APLF: variants seen among roughly 807,000 people sequenced by gnomAD.
APLF encodes aprataxin and PNK-like factor.
Under a neutral mutation model 55.6 loss-of-function variants are expected in APLF, and 61 were observed. The ratio of observed to expected loss-of-function variants is 1.10; its 90% CI spans 0.89 to 1.36. The LOEUF is 1.36. APLF is among the 40% of genes most tolerant of loss of function. The probability of loss-of-function intolerance (pLI) is 0.00; values close to 1 mark genes in which losing one functional copy is unlikely to be tolerated. For missense variants in APLF, 611 were observed against 602.5 expected, an observed-to-expected ratio of 1.01 and a Z score of -0.15; for synonymous variants, 207 against 214.8, an observed-to-expected ratio of 0.96 and a Z score of 0.32.
chr2:68,554,598 T>C (rs1483645026), intron 8 of APLF, among the ~76,000 whole-genome samples: 5 of 152,072 alleles, frequency 3.3e-5, no homozygotes, highest in African/African-American at 1.2e-4. Context: ...GTAGTTTTCC[T>C]TGTAGAAGAA....
chr2:68,474,333 G>T (rs1675706545), intron 1 of APLF, among the ~76,000 whole-genome samples: 1 of 152,208 alleles, frequency 6.6e-6, no homozygotes, highest in Non-Finnish European at 1.5e-5. Context: ...CCCTAGAGGA[G>T]GCTGGGGCTT....
chr2:68,545,143 T>C (rs1478043243), intron 7 of APLF, 44 bp from the exon 8 acceptor site: 1 of 1,598,018 alleles, frequency 6.3e-7, no homozygotes. Flanking sequence ...AAATCTAGAA[T>C]ATCCTATTTT....
chr2:68,560,059 T>G (rs10172125), intron 8 of APLF, among the ~76,000 whole-genome samples: 36,419 of 152,044 alleles, frequency 0.24, 7,032 homozygotes, highest in African/African-American at 0.54. Flanking sequence ...TCCTCTTCCT[T>G]AAGTGTTCTT....
intron 6 of APLF, among the ~76,000 whole-genome samples, chr2:68,536,812 G>A (rs980995948): frequency 2.6e-5 from 4 of 152,094 alleles, no homozygotes; most frequent in African/African-American, 9.7e-5. Context: ...TTGTCATTCA[G>A]CTATGGTAAA....
chr2:68,513,708 C>T, intron 5 of APLF, 28 bp downstream of exon 5: 1 of 1,602,708 alleles, frequency 6.2e-7, no homozygotes, highest in East Asian at 2.2e-5. Context: ...CTAATGCTGA[C>T]TTTAAAGGAA....
intron 1 of APLF, among the ~76,000 whole-genome samples, chr2:68,486,663 G>T (rs1166160527): frequency 6.6e-6 from 1 of 151,972 alleles, no homozygotes; most frequent in Non-Finnish European, 1.5e-5. Context: ...CCATCTCCTA[G>T]TTTTACATTA....
chr2:68,497,115 A>G (rs148266309), intron 2 of APLF, among the ~76,000 whole-genome samples: 1,629 of 152,294 alleles, frequency 0.011, 15 homozygotes, highest in Non-Finnish European at 0.015. Flanking sequence ...TAATTGGCTC[A>G]CAGTTTTGCA....
chr2:68,520,005 C>G (rs948018017), intron 5 of APLF, among the ~76,000 whole-genome samples: 1 of 151,780 alleles, frequency 6.6e-6, no homozygotes, highest in African/African-American at 2.4e-5. Flanking sequence ...TAAATTATGG[C>G]CATTCTTGCA....
intron 1 of APLF, among the ~76,000 whole-genome samples, chr2:68,480,485 G>A (rs1158033714): frequency 2.0e-5 from 3 of 151,744 alleles, no homozygotes; most frequent in Admixed American, 6.6e-5. Context: ...TGTATTTTTT[G>A]TGGAGATGAG....
intron 1 of APLF, among the ~76,000 whole-genome samples, chr2:68,487,942 A>C (rs1310547313): frequency 6.6e-6 from 1 of 152,162 alleles, no homozygotes; most frequent in Non-Finnish European, 1.5e-5. Flanking sequence ...ACTGTTGTGG[A>C]GTTATGTGTC....
At position 68,475,821 on chromosome 2, in the gene APLF, G is replaced by C. The variant is rs538111585; in HGVS notation, c.96+7994G>C. ...TGGCACTGGGAAGATATCTAGATAA[G>C]ACAATTTTATGATTTGTAGATTTCT... On this transcript the variant is annotated intron_variant, in intron 1 of 9. Transcript: ENST00000303795. Among the ~76,000 whole-genome samples, 998 of 152,092 alleles carry C rather than the reference G, an allele frequency of 6.6e-3. 7 individuals carry two copies. The highest frequency in any genetic ancestry group is 0.023 in the African/African-American group (950 of 41,462).
intron 9 of APLF, among the ~76,000 whole-genome samples, chr2:68,574,045 C>T (rs1169988012): frequency 2.0e-5 from 3 of 148,296 alleles, no homozygotes; most frequent in Non-Finnish European, 3.0e-5. Flanking sequence ...TTATTTCTTT[C>T]AAGTTTACCT....
intron 6 of APLF, among the ~76,000 whole-genome samples, chr2:68,536,874 A>G (rs1670405836): frequency 6.6e-6 from 1 of 152,142 alleles, no homozygotes; most frequent in African/African-American, 2.4e-5. Flanking sequence ...AGCTTAGAAG[A>G]AATTATAAGG....
At chr2:68,521,043 A>G (rs1430847280) in intron 5 of APLF, among the ~76,000 whole-genome samples, 1 of 151,638 alleles carries the variant, frequency 6.6e-6, no homozygotes, top group Non-Finnish European at 1.5e-5. Context: ...CTCCTTGGTT[A>G]GGTATATTCC....
chr2:68,564,397 C>T (rs1435629309), intron 8 of APLF, among the ~76,000 whole-genome samples: 1 of 152,012 alleles, frequency 6.6e-6, no homozygotes, highest in African/African-American at 2.4e-5. Context: ...TGTGGAGTTA[C>T]ACTTTTGCAC....
At chr2:68,479,186 T>C (rs533170547) in intron 1 of APLF, among the ~76,000 whole-genome samples, 11 of 152,098 alleles carry the variant, frequency 7.2e-5, no homozygotes, top group Non-Finnish European at 1.3e-4. Context: ...CAGTACTCTA[T>C]GGAAAAGATT....
intron 8 of APLF, among the ~76,000 whole-genome samples, chr2:68,551,603 C>CTTTTTTTTT (rs70954311): frequency 8.6e-6 from 1 of 115,750 alleles, no homozygotes; most frequent in African/African-American, 3.3e-5. Context: ...TCTTCTTCTT[C>CTTTTTTTTT]TTTTTTTTTT....
intron 2 of APLF, 88 bp downstream of exon 2, chr2:68,490,349 GAATAGGGAATTA>G: frequency 9.8e-7 from 1 of 1,023,668 alleles, no homozygotes; most frequent in East Asian, 2.6e-5. Flanking sequence ...AAGGTTATGG[GAATAGGGAATTA>G]ATGTCAGAAT....
intron 2 of APLF, among the ~76,000 whole-genome samples, chr2:68,499,723 C>T (rs1383517117): frequency 6.6e-6 from 1 of 152,076 alleles, no homozygotes; most frequent in Non-Finnish European, 1.5e-5. Flanking sequence ...CCTGTAGTCC[C>T]AGCTACTCAG....
Sources: allele counts gnomAD v4.1 joint callset (sites outside exome capture counted in the v4.1 genomes callset), GRCh38; gene constraint gnomAD v4.1.1; transcripts MANE v1.5; gene names NCBI Gene and HGNC (gene_info 2026-07-23, HGNC 2026-07-21).